SSPN: variants seen among roughly 807,000 people sequenced by gnomAD.
SSPN encodes sarcospan.
In SSPN, 15 loss-of-function variants were observed where a neutral mutation model predicts 19.1. The ratio of observed to expected loss-of-function variants is 0.78; its 90% CI spans 0.52 to 1.21. The LOEUF (loss-of-function observed/expected upper bound fraction) is 1.21, where lower values mean the gene tolerates loss of function less well. SSPN is among the 50% of genes most tolerant of loss of function. The probability of loss-of-function intolerance (pLI) is 0.00; values close to 1 mark genes in which losing one functional copy is unlikely to be tolerated. For synonymous variants in SSPN, 147 were observed against 140.3 expected (o/e 1.05, Z -0.34); for missense variants, 291 against 314.0 (o/e 0.93, Z 0.55).
chr12:26,217,910 G>A (rs1056649829), intron 1 of SSPN, among the ~76,000 whole-genome samples: 181 of 152,224 alleles, frequency 1.2e-3, no homozygotes, highest in Non-Finnish European at 2.0e-3. Flanking sequence ...TCAGTATGGC[G>A]ATTCCTCAGG....
chr12:26,205,836 T>G (rs1944926443), intron 1 of SSPN, among the ~76,000 whole-genome samples: 1 of 152,244 alleles, frequency 6.6e-6, no homozygotes, highest in African/African-American at 2.4e-5. Flanking sequence ...AATAAGTTTA[T>G]GTACTTCTCC....
At chr12:26,195,040 G>A (rs1944813329), upstream of SSPN, among the ~76,000 whole-genome samples, 1 of 152,098 alleles carries the variant, frequency 6.6e-6, no homozygotes, top group Admixed American at 6.5e-5. Flanking sequence ...TTCACAATTA[G>A]TCCAATATCT....
At chr12:26,157,708 C>T (rs534309830) in intron 1 of SSPN, among the ~76,000 whole-genome samples, 3 of 152,280 alleles carry the variant, frequency 2.0e-5, no homozygotes, top group African/African-American at 7.2e-5. Flanking sequence ...ATTCTATACC[C>T]CTGCTTCATT....
chr12:26,140,481 A>C (rs938790919), intron 1 of SSPN, among the ~76,000 whole-genome samples: 5 of 152,168 alleles, frequency 3.3e-5, no homozygotes, highest in Non-Finnish European at 7.4e-5. Flanking sequence ...CTATTGAGAG[A>C]GTGGACCTGG....
In SSPN at chr12:26,148,322, A is replaced by G. The variant is rs189056178; in HGVS notation, c.-31+26170A>G. On this transcript the variant is annotated intron_variant, in intron 1 of 2. Transcript: ENST00000538142. The stretch of plus-strand genomic sequence containing the variant: ...CTGGAGTTATGTTACTCTGAAGGAA[A>G]TGAAGATGCTGCATTTTGTATTTTA... Among the ~76,000 whole-genome samples, 25 of 152,364 alleles carry G rather than the reference A, an allele frequency of 1.6e-4. No homozygotes were observed. In the East Asian group the frequency reaches 4.8e-3, roughly 29 times the overall value.
intron 1 of SSPN, among the ~76,000 whole-genome samples, chr12:26,132,332 G>T (rs930041038): frequency 4.6e-5 from 7 of 152,126 alleles, no homozygotes; most frequent in Non-Finnish European, 8.8e-5. Context: ...AGTAGTGAAC[G>T]TTGTCTTCAA....
intron 1 of SSPN, among the ~76,000 whole-genome samples, chr12:26,164,601 A>G (rs2137427559): frequency 6.6e-6 from 1 of 152,214 alleles, no homozygotes; most frequent in East Asian, 1.9e-4. Context: ...ATATTGGCTT[A>G]TATTCCAGTG....
At chr12:26,130,138 A>G (rs1944389380) in intron 1 of SSPN, among the ~76,000 whole-genome samples, 2 of 152,120 alleles carry the variant, frequency 1.3e-5, no homozygotes, top group South Asian at 4.1e-4. Context: ...AGTGTTCTCT[A>G]CCATTTCTCT....
intron 1 of SSPN, among the ~76,000 whole-genome samples, chr12:26,172,546 AT>A (rs1944659819): frequency 6.6e-6 from 1 of 152,220 alleles, no homozygotes; most frequent in African/African-American, 2.4e-5. Context: ...CTAATCTATG[AT>A]TTTTAATAGA....
At chr12:26,160,109 G>T (rs959211403) in intron 1 of SSPN, among the ~76,000 whole-genome samples, 2 of 152,204 alleles carry the variant, frequency 1.3e-5, no homozygotes, top group Admixed American at 1.3e-4. Flanking sequence ...TGGAGAAGGG[G>T]TGAGAAGCTG....
chr12:26,124,462 A>G, intron 1 of SSPN: 7 of 1,542,744 alleles, frequency 4.5e-6, no homozygotes, highest in Admixed American at 1.7e-5. Context: ...TGTGAAATCA[A>G]TGGCTCTAAT....
intron 1 of SSPN, among the ~76,000 whole-genome samples, chr12:26,171,442 CTG>C (rs1283040795): frequency 6.6e-6 from 1 of 152,194 alleles, no homozygotes; most frequent in East Asian, 1.9e-4. Flanking sequence ...AAAGGCAAAA[CTG>C]TATTCTTAAT....
chr12:26,151,973 C>T (rs540021238), intron 1 of SSPN, among the ~76,000 whole-genome samples: 1 of 152,258 alleles, frequency 6.6e-6, no homozygotes, highest in East Asian at 1.9e-4. Flanking sequence ...AGAGATGTCA[C>T]ACCAGATAAT....
At chr12:26,213,848 A>G (rs922157175) in intron 1 of SSPN, among the ~76,000 whole-genome samples, 10 of 152,000 alleles carry the variant, frequency 6.6e-5, no homozygotes, top group Non-Finnish European at 1.5e-4. Context: ...CAGGTTATCT[A>G]TCTACTTATT....
At chr12:26,194,424 C>T (rs534355739), upstream of SSPN, among the ~76,000 whole-genome samples, 2 of 152,302 alleles carry the variant, frequency 1.3e-5, no homozygotes, top group African/African-American at 2.4e-5. Flanking sequence ...CTTGCTCTGT[C>T]GCCCAGGCTG....
chr12:26,229,090 GT>G (rs969666834), intron 2 of SSPN, among the ~76,000 whole-genome samples: 2 of 152,140 alleles, frequency 1.3e-5, no homozygotes, highest in Admixed American at 6.5e-5. Context: ...GATATAAGAT[GT>G]TTCTATAAAC....
intron 1 of SSPN, among the ~76,000 whole-genome samples, chr12:26,137,800 G>T (rs1944437237): frequency 6.6e-6 from 1 of 150,762 alleles, no homozygotes; most frequent in East Asian, 1.9e-4. Flanking sequence ...GAGTAGCTGG[G>T]ATTACAGGGG....
chr12:26,228,299 T>C (rs1432580770), intron 2 of SSPN, among the ~76,000 whole-genome samples: 1 of 150,788 alleles, frequency 6.6e-6, no homozygotes, highest in Non-Finnish European at 1.5e-5. Flanking sequence ...CTCAGGAGGC[T>C]GAGGCATGAG....
upstream of SSPN, among the ~76,000 whole-genome samples, chr12:26,192,794 T>G (rs1415916946): frequency 2.0e-5 from 3 of 152,224 alleles, no homozygotes; most frequent in Non-Finnish European, 2.9e-5. Context: ...TGTGTCTCAG[T>G]GAGGCAATCA....
Sources: gnomAD v4.1 joint callset for allele counts (sites outside exome capture counted in the v4.1 genomes callset) on GRCh38, gnomAD v4.1.1 for gene constraint, MANE v1.5 for transcripts, NCBI Gene and HGNC (gene_info 2026-07-23, HGNC 2026-07-21) for gene names.